Variants in ERBB3 observed in about 807,000 individuals in gnomAD.
The protein encoded by ERBB3 is erb-b2 receptor tyrosine kinase 3.
Under a neutral mutation model 156.7 loss-of-function variants are expected in ERBB3, and 96 were observed. That is an observed-to-expected ratio of 0.61 (90% CI 0.52 to 0.73). The LOEUF is 0.73. Ranked by LOEUF, ERBB3 falls within the 30% of genes least tolerant of loss-of-function variation. ERBB3 has a pLI of 0.00. For synonymous variants in ERBB3, 567 were observed against 632.0 expected, an observed-to-expected ratio of 0.90 and a Z score of 1.54; for missense variants, 1,406 against 1,709.4, an observed-to-expected ratio of 0.82 and a Z score of 3.13.
intron 12 of ERBB3, 31 bp from the exon 13 acceptor site, chr12:56,093,733 C>A (rs1450608940): frequency 6.2e-7 from 1 of 1,613,626 alleles, no homozygotes; most frequent in Non-Finnish European, 8.5e-7. Flanking sequence ...AGTCCTCAGA[C>A]TCCTCTCCTA....
rs1869141007 is a variant in ERBB3 at position 56,102,343 on chromosome 12, T to C, written c.*288T>C. 4.4e-6 allele frequency: 2 copies of C among 458,962 alleles called. No homozygotes were observed. The highest frequency in any genetic ancestry group is 3.8e-5 in the East Asian group (1 of 26,114). 28.4% of individuals were successfully genotyped at this position (458,962 alleles called of 1,614,324 possible). A position where few individuals can be genotyped will look rare whatever the true frequency, so the allele number is the denominator to read the frequency against. On this transcript the variant is annotated 3_prime_UTR_variant, in exon 28 of 28. Transcript: ENST00000267101. Reference sequence around the variant, plus strand: ...TTCTTCACAGGCACTCCTGGAGATATGAAGGATTACTCTCCATATCCCTTC... The same window carrying C: ...TTCTTCACAGGCACTCCTGGAGATACGAAGGATTACTCTCCATATCCCTTC...
chr12:56,091,326 TATAAATAATATATATAAATATATATAA>T (rs1592228252), intron 9 of ERBB3, among the ~76,000 whole-genome samples: 9 of 6,588 alleles, frequency 1.4e-3, no homozygotes, highest in Admixed American at 3.2e-3. Context: ...AATATATATA[TATAAATAATATATATAAATATATATAA>T]ACATAAATAT....
intron 3 of ERBB3, among the ~76,000 whole-genome samples, chr12:56,086,200 CT>C (rs1200135131): frequency 1.3e-5 from 2 of 152,082 alleles, no homozygotes; most frequent in Non-Finnish European, 2.9e-5. Context: ...ACCTGTCCAT[CT>C]TCTGCTTCTC....
chr12:56,097,642 ACTGT>A (rs1868932914), intron 20 of ERBB3, 139 bp from the exon 21 acceptor site: 2 of 849,794 alleles, frequency 2.4e-6, no homozygotes. Flanking sequence ...CCCTGGAAAA[ACTGT>A]CTTCCACAAA....
chr12:56,087,584 C>G lies in ERBB3; in HGVS notation c.555C>G (p.Pro185=), dbSNP rs372292404. The G allele has an allele frequency of 6.2e-7, 1 of 1,613,954 alleles. No individual in the cohort carries two copies. The highest frequency in any genetic ancestry group is 1.3e-5 in the African/African-American group (1 of 74,936). ...GCCTTCCTTCCCAACCAGGTCCCCC[C>G]TGTCATGAGGTTTGCAAGGGGCGAT... ...VVKDNGRSCP[P]CHEVCKGRCW... Residue 185 remains proline (P), a synonymous_variant, in exon 5 of 28, where the codon CCC becomes CCG. Coordinates refer to ENST00000267101, the MANE Select transcript of ERBB3 (RefSeq NM_001982.4).
At chr12:56,095,626 C>T (rs1330151402) in intron 16 of ERBB3, 39 bp from the exon 17 acceptor site, 2 of 1,611,790 alleles carry the variant, frequency 1.2e-6, no homozygotes, top group Non-Finnish European at 1.7e-6. Context: ...AAGGAAGATG[C>T]AAACCCAGGA....
intron 9 of ERBB3, among the ~76,000 whole-genome samples, chr12:56,090,277 A>C (rs577477447): frequency 6.6e-6 from 1 of 152,098 alleles, no homozygotes; most frequent in East Asian, 1.9e-4. Flanking sequence ...TGGGATTACA[A>C]GTGTGAGCCA....
intron 1 of ERBB3, among the ~76,000 whole-genome samples, chr12:56,081,852 T>C (rs1029982252): frequency 3.9e-5 from 6 of 152,114 alleles, no homozygotes; most frequent in African/African-American, 1.4e-4. Flanking sequence ...CCACCCCTAG[T>C]GCTCTCTACC....
At chr12:56,097,330 A>G (rs923943059) in intron 20 of ERBB3, 100 bp downstream of exon 20, 1 of 1,156,030 alleles carries the variant, frequency 8.7e-7, no homozygotes, top group African/African-American at 1.5e-5. Context: ...GAGGTCCCCA[A>G]CCCCCGGGCT....
At chr12:56,094,271 A>T (rs1868820790) in intron 14 of ERBB3, 82 bp downstream of exon 14, 3 of 1,457,470 alleles carry the variant, frequency 2.1e-6, no homozygotes, top group Non-Finnish European at 2.9e-6. Flanking sequence ...ATGGCTAAGG[A>T]TAGCACAGAG....
At chr12:56,093,633 G>A in intron 12 of ERBB3, 83 bp downstream of exon 12, 1 of 1,555,286 alleles carries the variant, frequency 6.4e-7, no homozygotes, top group South Asian at 1.1e-5. Flanking sequence ...CTAGACGTGG[G>A]AGTAGGGTTG....
In ERBB3 at chr12:56,098,573, A is replaced by G. The variant is rs1436469944; in HGVS notation, c.2690A>G (p.Tyr897Cys). Residue 897 changes from tyrosine to cysteine, a missense_variant and splice_region_variant, in exon 22 of 28, where the codon TAT becomes TGT. Physicochemically the swap from Tyr to Cys is radical, Grantham distance 194. Transcript: ENST00000267101. ...ACACACCAGAGTGATGTCTGGAGCT[A>G]TGGTCAGTGCATCTGGATGCCCTCT... is the stretch of plus-strand genomic sequence containing the variant. ...KYTHQSDVWSYGVTVWELMTF... is the reference protein window; with the variant it reads ...KYTHQSDVWSCGVTVWELMTF... 8 of 1,612,618 alleles carry G rather than the reference A, an allele frequency of 5.0e-6. No individual in the cohort carries two copies. Among genetic ancestry groups the G allele is most frequent in the South Asian group, 1.1e-5 (1 of 91,060 alleles).
intron 20 of ERBB3, 49 bp from the exon 21 acceptor site, chr12:56,097,736 T>C (rs2136819558): frequency 6.3e-7 from 1 of 1,584,880 alleles, no homozygotes; most frequent in East Asian, 2.2e-5. Flanking sequence ...CAGATCTCAG[T>C]GACTGATTCC....
rs2136794296 is a variant in ERBB3 at position 56,087,886 on chromosome 12, C to T, written c.705C>T (p.Cys235=). Residue 235 remains cysteine, a synonymous_variant, in exon 6 of 28, where the codon TGC becomes TGT. Coordinates refer to ENST00000267101, the MANE Select transcript of ERBB3 (RefSeq NM_001982.4). The part of the protein sequence containing the change: ...QCCHDECAGG[C]SGPQDTDCFA... The stretch of plus-strand genomic sequence containing the variant: ...GCCATGATGAGTGTGCCGGGGGCTG[C>T]TCAGGCCCTCAGGACACAGACTGCT... The T allele has an allele frequency of 6.2e-7, 1 of 1,614,180 alleles. No individual in the cohort carries two copies.
chr12:56,097,658 C>A, intron 20 of ERBB3, 127 bp from the exon 21 acceptor site: 1 of 1,005,398 alleles, frequency 9.9e-7, no homozygotes, highest in Non-Finnish European at 1.6e-6. Flanking sequence ...TTCCACAAAA[C>A]CAGTCCCTGG....
chr12:56,085,186 G>T lies in ERBB3; in HGVS notation c.421+5G>T, dbSNP rs1868436067. On this transcript the variant is annotated splice_donor_5th_base_variant and intron_variant, in intron 3 of 27. Coordinates refer to ENST00000267101, the MANE Select transcript of ERBB3 (RefSeq NM_001982.4). ...TCCGCTTGACTCAGCTCACCGGTCA[G>T]TTCCCGATGGTTCCTTCTGGCCTCA... is the stretch of plus-strand genomic sequence containing the variant. 6.2e-7 allele frequency: 1 copy of T among 1,614,056 alleles called. No individual in the cohort carries two copies. Among genetic ancestry groups the T allele is most frequent in the Admixed American group, 1.7e-5 (1 of 59,994 alleles).
Position 56,093,061 on chromosome 12 carries a change from G to T in ERBB3, c.1259G>T (p.Gly420Val), listed in dbSNP as rs1005401010. The change falls in exon 11 of 28, where the codon GGC becomes GTC. Residue 420 changes from glycine (G) to valine (V), a missense_variant. Transcript: ENST00000267101. ...SVFSNLTTIGGRSLYNRGFSL... is the reference protein window; with the variant it reads ...SVFSNLTTIGVRSLYNRGFSL... ...TTTTCCAATTTGACAACCATTGGAG[G>T]CAGAAGCCTCTACAAGTGAGTAAAG... 1 of 1,613,222 alleles carries T rather than the reference G, an allele frequency of 6.2e-7. No homozygotes were observed. Among genetic ancestry groups the T allele is most frequent in the Admixed American group, 1.7e-5 (1 of 60,016 alleles).
At position 56,080,353 on chromosome 12, in the gene ERBB3, G is replaced by A. The variant is rs1317504479; in HGVS notation, c.53G>A (p.Arg18Gln). The A allele has an allele frequency of 6.3e-7, 1 of 1,593,928 alleles. No individual in the cohort carries two copies. Among genetic ancestry groups the A allele is most frequent in the African/African-American group, 1.3e-5 (1 of 74,752 alleles). ...CTGGGCTTGCTTTTCAGCCTGGCCC[G>A]GGGCTCCGAGGTGGGCAACTCTCAG... ...QVLGLLFSLA[R>Q]GSEVGNSQAV... Residue 18 changes from arginine to glutamine, a missense_variant, in exon 1 of 28, where the codon CGG becomes CAG. Arg to Gln is a conservative substitution (Grantham distance 43). This residue lies in a region of ERBB3 where 979 missense variants were observed against 1,219.6 expected (regional missense o/e 0.80). Coordinates refer to ENST00000267101, the MANE Select transcript of ERBB3 (RefSeq NM_001982.4).
chr12:56,098,769 T>C lies in ERBB3; in HGVS notation c.2703T>C (p.Val901=). ...QSDVWSYGVT[V]WELMTFGAEP... Reference sequence around the variant, plus strand: ...GTCTTCCTGCAACAGGTGTGACAGTTTGGGAGTTGATGACCTTCGGGGCAG... The same window carrying C: ...GTCTTCCTGCAACAGGTGTGACAGTCTGGGAGTTGATGACCTTCGGGGCAG... The change falls in exon 23 of 28, where the codon GTT becomes GTC. Residue 901 remains valine, a synonymous_variant. Transcript: ENST00000267101. 3 of 1,614,060 alleles carry C rather than the reference T, an allele frequency of 1.9e-6. No homozygotes were observed. Among genetic ancestry groups the C allele is most frequent in the African/African-American group, 1.3e-5 (1 of 75,012 alleles).
Sources: gnomAD v4.1 joint callset for allele counts (sites outside exome capture counted in the v4.1 genomes callset) on GRCh38, gnomAD v4.1.1 for gene constraint, gnomAD v4.1.1 regional missense constraint, MANE v1.5 for transcripts, NCBI Gene and HGNC (gene_info 2026-07-23, HGNC 2026-07-21) for gene names.